NIBAN3: variants seen among roughly 807,000 people sequenced by gnomAD.
NIBAN3 encodes the protein protein Niban 3.
A neutral mutation model predicts 76.4 loss-of-function variants in NIBAN3; 66 were observed. The ratio of observed to expected loss-of-function variants is 0.86; its 90% CI spans 0.71 to 1.06. The LOEUF is 1.06. NIBAN3 is among the 50% of genes least tolerant of loss of function. The probability of loss-of-function intolerance (pLI) is 0.00; values close to 1 mark genes in which losing one functional copy is unlikely to be tolerated. For synonymous variants in NIBAN3, 360 were observed against 355.2 expected, an observed-to-expected ratio of 1.01 and a Z score of -0.15; for missense variants, 808 against 810.7, an observed-to-expected ratio of 1.00 and a Z score of 0.04.
chr19:17,547,037 A>G (rs1393259252), intron 13 of NIBAN3, among the ~76,000 whole-genome samples: 1 of 151,996 alleles, frequency 6.6e-6, no homozygotes, highest in Admixed American at 6.6e-5. Context: ...TCAGGATGAG[A>G]AGAAGGAGGC....
intron 11 of NIBAN3, 23 bp from the exon 12 acceptor site, chr19:17,543,501 G>A (rs750631966): frequency 1.1e-5 from 17 of 1,612,696 alleles, no homozygotes; most frequent in South Asian, 5.5e-5. Context: ...GTTGCTGGAC[G>A]CACCGCTGGG....
chr19:17,539,290 C>T (rs970435979), intron 6 of NIBAN3, 25 bp downstream of exon 6: 2 of 1,574,378 alleles, frequency 1.3e-6, no homozygotes, highest in Non-Finnish European at 1.7e-6. Flanking sequence ...AGGCCGCACC[C>T]GGGACCCCCA....
chr19:17,545,257 A>G (rs2076030602), intron 12 of NIBAN3: 1 of 154,972 alleles, frequency 6.5e-6, no homozygotes, highest in South Asian at 2.0e-4. Context: ...GCTGTAGTGC[A>G]GTGGTGTGAT....
intron 3 of NIBAN3, chr19:17,533,364 C>T: frequency 9.0e-6 from 4 of 446,788 alleles, no homozygotes; most frequent in East Asian, 3.9e-5. Flanking sequence ...GAGCTGAGAT[C>T]GCGCCATCGC....
chr19:17,524,545 A>G (rs2075587222), upstream of NIBAN3, among the ~76,000 whole-genome samples: 2 of 152,148 alleles, frequency 1.3e-5, no homozygotes, highest in African/African-American at 4.8e-5. Flanking sequence ...TCGGCCTCCC[A>G]AAGTGCTGGG....
chr19:17,549,682 G>A (rs756494485), intron 14 of NIBAN3, 155 bp downstream of exon 14: 18 of 704,842 alleles, frequency 2.6e-5, no homozygotes, highest in Admixed American at 1.2e-4. Flanking sequence ...GGCCAAGCTC[G>A]TGAACAAGCT....
chr19:17,527,336 G>A lies in NIBAN3; in HGVS notation c.-5G>A. On this transcript the variant is annotated 5_prime_UTR_variant, in exon 1 of 15. Coordinates refer to ENST00000599164, the MANE Select transcript of NIBAN3 (RefSeq NM_001321827.2). ...GGAAGAGGAGCCCCGGGAGACGACA[G>A]CAGCATGGGTGGGCGGCCTTCGAGC... is the stretch of plus-strand genomic sequence containing the variant. The A allele has an allele frequency of 6.5e-7, 1 of 1,549,564 alleles. No homozygotes were observed.
chr19:17,539,780 C>T lies in NIBAN3; in HGVS notation c.979+15C>T, dbSNP rs1433154354. 6.6e-7 allele frequency: 1 copy of T among 1,506,584 alleles called. No homozygotes were observed. Among genetic ancestry groups the T allele is most frequent in the Admixed American group, 2.1e-5 (1 of 48,538 alleles). 93.3% of individuals were successfully genotyped at this position (1,506,584 alleles called of 1,614,324 possible). A position where few individuals can be genotyped will look rare whatever the true frequency, so the allele number is the denominator to read the frequency against. ...GCGGCTGAGGAGTGAGGCCCTGGGGCGGAGCCTGGGCTGGGAGGGGCGAGG... is the reference window on the plus strand; with the variant it reads ...GCGGCTGAGGAGTGAGGCCCTGGGGTGGAGCCTGGGCTGGGAGGGGCGAGG... On this transcript the variant is annotated intron_variant, in intron 8 of 14. Coordinates refer to ENST00000599164, the MANE Select transcript of NIBAN3 (RefSeq NM_001321827.2).
intron 4 of NIBAN3, among the ~76,000 whole-genome samples, chr19:17,536,696 C>A (rs747021403): frequency 5.3e-5 from 8 of 152,194 alleles, no homozygotes; most frequent in Non-Finnish European, 1.2e-4. Context: ...TGAGCCACCG[C>A]GGCTGGTCCC....
Position 17,530,814 on chromosome 19 carries a change from T to G in NIBAN3, c.115T>G (p.Ser39Ala). The G allele has an allele frequency of 6.2e-7, 1 of 1,613,490 alleles. No individual in the cohort carries two copies. The highest frequency in any genetic ancestry group is 8.5e-7 in the Non-Finnish European group (1 of 1,179,742). Residue 39 changes from serine (S) to alanine (A), a missense_variant, in exon 2 of 15, where the codon TCT (serine) becomes GCT (alanine). Coordinates refer to ENST00000599164, the MANE Select transcript of NIBAN3 (RefSeq NM_001321827.2). ...TTGCTACCGTGGGCAGCTGGCAGCG[T>G]CTGTCCTGCGGCAGATCTCTCGAGA... ...LPCYRGQLAA[S>A]VLRQISRELG... is the part of the protein sequence containing the mutation.
Position 17,527,334 on chromosome 19 carries a change from C to T in NIBAN3, c.-7C>T. On this transcript the variant is annotated 5_prime_UTR_variant, in exon 1 of 15. Coordinates refer to ENST00000599164, the MANE Select transcript of NIBAN3 (RefSeq NM_001321827.2). ...AGGGAAGAGGAGCCCCGGGAGACGA[C>T]AGCAGCATGGGTGGGCGGCCTTCGA... The T allele has an allele frequency of 6.4e-7, 1 of 1,550,390 alleles. No homozygotes were observed. Among genetic ancestry groups the T allele is most frequent in the Non-Finnish European group, 8.7e-7 (1 of 1,146,748 alleles).
chr19:17,539,428 G>A lies in NIBAN3; in HGVS notation c.793G>A (p.Ala265Thr), dbSNP rs774005805. The change falls in exon 7 of 15, where the codon GCC becomes ACC. Residue 265 changes from alanine to threonine, a missense_variant. Physicochemically the swap from Ala to Thr is moderately conservative, Grantham distance 58. Transcript: ENST00000599164. ...TCCTGGCCTGCGGGGGGCAGGCCGC[G>A]CCCGCGCCTGGGCCTGGACCGAGGT... is the stretch of plus-strand genomic sequence containing the variant. ...TLPGLRGAGR[A>T]RAWAWTELLD... 5.3e-6 allele frequency: 8 copies of A among 1,505,212 alleles called. No homozygotes were observed. The highest frequency in any genetic ancestry group is 7.1e-6 in the Non-Finnish European group (8 of 1,131,550). The allele number at this position is 1,505,212 out of a possible 1,614,324, so 93.2% of individuals were successfully genotyped here. A position where few individuals can be genotyped will look rare whatever the true frequency, so the allele number is the denominator to read the frequency against.
At chr19:17,532,465 C>T (rs2075747626) in intron 3 of NIBAN3, 77 bp downstream of exon 3, 5 of 1,600,836 alleles carry the variant, frequency 3.1e-6, no homozygotes, top group South Asian at 1.1e-5. Flanking sequence ...TTTGTGGGAT[C>T]CATATCTCAG....
At chr19:17,541,991 A>G (rs2075961457) in intron 9 of NIBAN3, 145 bp from the exon 10 acceptor site, 7 of 977,620 alleles carry the variant, frequency 7.2e-6, no homozygotes, top group African/African-American at 1.6e-5. Context: ...GCCCACCACT[A>G]TTGTATTATG....
chr19:17,539,074 G>A, intron 5 of NIBAN3, 76 bp from the exon 6 acceptor site: 1 of 1,326,822 alleles, frequency 7.5e-7, no homozygotes, highest in Non-Finnish European at 1.0e-6. Context: ...CTGGCCAGGC[G>A]GAGGGCTTCC....
At chr19:17,540,985 A>G (rs747829208) in intron 9 of NIBAN3, among the ~76,000 whole-genome samples, 2 of 151,580 alleles carry the variant, frequency 1.3e-5, no homozygotes, top group Non-Finnish European at 2.9e-5. Context: ...ATCTGCCTGC[A>G]TTGGCCTCCC....
chr19:17,527,373 G>C lies in NIBAN3; in HGVS notation c.33G>C (p.Lys11Asn), dbSNP rs1437772826. Residue 11 changes from lysine to asparagine, a missense_variant, in exon 1 of 15, where the codon AAG becomes AAC. Transcript: ENST00000599164. ...GGCGGCCTTCGAGCCCTCTGGACAA[G>C]CAGCAGCGGCAGCACCTAAGGGGTG... MGGRPSSPLD[K>N]QQRQHLRGQV... is the part of the protein sequence containing the mutation. 3.9e-6 allele frequency: 6 copies of C among 1,530,200 alleles called. No homozygotes were observed. Among genetic ancestry groups the C allele is most frequent in the Non-Finnish European group, 5.3e-6 (6 of 1,137,268 alleles). 94.8% of individuals were successfully genotyped at this position (1,530,200 alleles called of 1,614,324 possible).
chr19:17,539,745 G>C lies in NIBAN3; in HGVS notation c.959G>C (p.Arg320Pro), dbSNP rs750895703. ...DVDQLLRQRA[R>P]VAGRLRTDIR... Reference sequence around the variant, plus strand: ...GACCAGCTGCTGCGGCAGCGGGCGCGTGTGGCGGGGCGGCTGAGGAGTGAG... The same window carrying C: ...GACCAGCTGCTGCGGCAGCGGGCGCCTGTGGCGGGGCGGCTGAGGAGTGAG... The change falls in exon 8 of 15, where the codon CGT (arginine) becomes CCT (proline). Residue 320 changes from arginine to proline, a missense_variant. By Grantham distance (103) the Arg-to-Pro change is moderately radical (BLOSUM62 -2). Coordinates refer to ENST00000599164, the MANE Select transcript of NIBAN3 (RefSeq NM_001321827.2). The C allele has an allele frequency of 6.5e-5, 100 of 1,536,452 alleles. No homozygotes were observed. Among genetic ancestry groups the C allele is most frequent in the Non-Finnish European group, 8.3e-5 (95 of 1,143,296 alleles).
intron 3 of NIBAN3, among the ~76,000 whole-genome samples, 171 bp downstream of exon 3, chr19:17,532,559 T>C (rs578179893): frequency 1.7e-4 from 26 of 152,240 alleles, no homozygotes; most frequent in Non-Finnish European, 3.1e-4. Context: ...TCTCGTCCCA[T>C]CCCCTGCTGT....
Sources: gnomAD v4.1 joint callset for allele counts (sites outside exome capture counted in the v4.1 genomes callset) on GRCh38, gnomAD v4.1.1 for gene constraint, MANE v1.5 for transcripts, NCBI Gene and HGNC (gene_info 2026-07-23, HGNC 2026-07-21) for gene names.